Variants in HLTF observed in about 807,000 individuals in gnomAD.
HLTF encodes DNA-dependent ATPase/E3 ubiquitin-protein ligase HLTF.
HLTF carries 127 observed loss-of-function variants against 129.4 expected under a neutral mutation model. That is an observed-to-expected ratio of 0.98 (90% CI 0.85 to 1.14). HLTF has a LOEUF of 1.14. Ranked by LOEUF, HLTF falls within the 50% of genes most tolerant of loss-of-function variation. HLTF has a pLI of 0.00. For synonymous variants in HLTF, 332 were observed against 388.8 expected, an observed-to-expected ratio of 0.85 and a Z score of 1.72; for missense variants, 1,139 against 1,187.1, an observed-to-expected ratio of 0.96 and a Z score of 0.60.
intron 24 of HLTF, among the ~76,000 whole-genome samples, chr3:149,033,376 T>G (rs1715298542): frequency 6.6e-6 from 1 of 152,072 alleles, no homozygotes; most frequent in South Asian, 2.1e-4. Context: ...TCAATAAATC[T>G]CAAGATATCT....
At chr3:149,036,297 G>GTTTTTTTTTTGTT (rs1553736650) in intron 23 of HLTF, among the ~76,000 whole-genome samples, 1 of 107,986 alleles carries the variant, frequency 9.3e-6, no homozygotes, top group Non-Finnish European at 1.8e-5. Flanking sequence ...AAACTATGAG[G>GTTTTTTTTTTGTT]TTTTTTTTTT....
At chr3:149,071,221 G>A (rs1206008126) in intron 7 of HLTF, 31 bp downstream of exon 7, 2 of 1,337,532 alleles carry the variant, frequency 1.5e-6, no homozygotes, top group Admixed American at 2.3e-5. Flanking sequence ...CACAAAATTA[G>A]ATTTTATTAA....
chr3:149,060,757 A>G (rs1310908915), intron 11 of HLTF, 22 bp downstream of exon 11: 11 of 1,607,424 alleles, frequency 6.8e-6, no homozygotes, highest in East Asian at 2.2e-5. Flanking sequence ...CACATTATCA[A>G]ATCAAATCTA....
intron 24 of HLTF, among the ~76,000 whole-genome samples, chr3:149,033,695 C>T (rs1302202823): frequency 6.6e-6 from 1 of 151,816 alleles, no homozygotes; most frequent in Non-Finnish European, 1.5e-5. Flanking sequence ...CAGAACAAAT[C>T]GTTCTTCATC....
rs371728757 is a variant in HLTF, at chr3:149,056,269, G to T, written c.1376-869C>A. ...TAGGATAATTTGTTACACAGTAATA[G>T]GTAACTAATATATTACAACAAAAAT... On this transcript the variant is annotated intron_variant, in intron 13 of 24. Transcript: ENST00000310053. 3.0e-4 allele frequency among the ~76,000 whole-genome samples: 45 copies of T among 152,230 alleles called. No homozygotes were observed. The East Asian group carries it at 8.3e-3, about 28-fold the overall frequency.
chr3:149,055,801 C>G (rs888849926), intron 13 of HLTF, among the ~76,000 whole-genome samples: 3 of 152,200 alleles, frequency 2.0e-5, no homozygotes, highest in Non-Finnish European at 2.9e-5. Flanking sequence ...TCCCATACTC[C>G]ACCAGGACTG....
At chr3:149,069,712 A>G (rs185037276) in intron 7 of HLTF, among the ~76,000 whole-genome samples, 1 of 152,314 alleles carries the variant, frequency 6.6e-6, no homozygotes, top group Non-Finnish European at 1.5e-5. Flanking sequence ...CTTGAATGAC[A>G]ACTATCAATC....
chr3:149,041,008 A>G (rs1716088608), intron 20 of HLTF, among the ~76,000 whole-genome samples: 1 of 152,182 alleles, frequency 6.6e-6, no homozygotes, highest in South Asian at 2.1e-4. Context: ...CACAATAGCC[A>G]ATAATCACAT....
intron 10 of HLTF, among the ~76,000 whole-genome samples, 180 bp downstream of exon 10, chr3:149,063,251 G>A (rs372334720): frequency 1.2e-4 from 18 of 152,150 alleles, no homozygotes; most frequent in African/African-American, 2.6e-4. Context: ...TAGTAGAGAC[G>A]GGGTTTCACT....
rs941274217 is a variant in HLTF at position 149,030,380 on chromosome 3, A to G, written c.*1840T>C. The G allele has an allele frequency of 1.3e-5, 2 of 152,192 alleles. No homozygotes were observed. Among genetic ancestry groups the G allele is most frequent in the Non-Finnish European group, 2.9e-5 (2 of 68,020 alleles). The allele number at this position is 152,192 out of a possible 1,614,324, so 9.4% of individuals were successfully genotyped here. A position where few individuals can be genotyped will look rare whatever the true frequency, so the allele number is the denominator to read the frequency against. On this transcript the variant is annotated 3_prime_UTR_variant, in exon 25 of 25. Transcript: ENST00000310053. ...ATATAACAACATCTAACAGAACTGT[A>G]CAAAACAAAGAGACATTTTTTAAAC...
chr3:149,064,654 T>A, intron 9 of HLTF, 137 bp downstream of exon 9: 1 of 565,220 alleles, frequency 1.8e-6, no homozygotes, highest in East Asian at 3.0e-5. Flanking sequence ...AAAAAAGAGA[T>A]CCTAAATTTT....
chr3:149,082,262 T>C lies in HLTF; in HGVS notation c.228+2420A>G, dbSNP rs1379656703. ...TCACGAGGTCAGGAGATACAGACCA[T>C]CCTGGCTAACACGGTGAAACCCCGT... On this transcript the variant is annotated intron_variant, in intron 2 of 24. Transcript: ENST00000310053. Among the ~76,000 whole-genome samples the C allele has an allele frequency of 3.9e-5, 6 of 152,122 alleles. No homozygotes were observed. In the South Asian group the frequency reaches 1.0e-3, roughly 26 times the overall value.
At position 149,045,116 on chromosome 3, in the gene HLTF, C is replaced by A. The variant is rs532144366; in HGVS notation, c.2072+964G>T. On this transcript the variant is annotated intron_variant, in intron 18 of 24. Transcript: ENST00000310053. Reference sequence around the variant, plus strand: ...TTCCAATAAATCTCTGATATCATGACTATTTTCTCTCGTTCATACTATCCA... The same window carrying A: ...TTCCAATAAATCTCTGATATCATGAATATTTTCTCTCGTTCATACTATCCA... Among the ~76,000 whole-genome samples, 9 of 152,236 alleles carry A rather than the reference C, an allele frequency of 5.9e-5. 1 individual carries two copies. The highest frequency in any genetic ancestry group is 2.2e-4 in the African/African-American group (9 of 41,552).
At chr3:149,037,411 T>G (rs1715736654) in intron 23 of HLTF, among the ~76,000 whole-genome samples, 1 of 144,552 alleles carries the variant, frequency 6.9e-6, no homozygotes, top group Admixed American at 7.3e-5. Flanking sequence ...GAGGTTGCAG[T>G]GAGCCAAGAT....
At chr3:149,034,831 C>CA in intron 24 of HLTF, 87 bp downstream of exon 24, 1 of 859,732 alleles carries the variant, frequency 1.2e-6, no homozygotes, top group Non-Finnish European at 1.9e-6. Context: ...TAATTACACT[C>CA]AATCATAATA....
rs146181227 is a variant in HLTF at position 149,032,317 on chromosome 3, C to G, written c.2933G>C (p.Arg978Thr). Residue 978 changes from arginine (R) to threonine (T), a missense_variant, in exon 25 of 25, where the codon AGA (arginine) becomes ACA (threonine). Physicochemically the swap from Arg to Thr is moderately conservative, Grantham distance 71. Transcript: ENST00000310053. ...ENMLKIQNKK[R>T]ELAAGAFGTK... is the part of the protein sequence containing the mutation. ...TCCAAAGGCTCCTGCTGCAAGTTCT[C>G]TCTTTTTGTTTTGTATTTTCAGCAT... 6.3e-7 allele frequency: 1 copy of G among 1,596,666 alleles called. No homozygotes were observed. The highest frequency in any genetic ancestry group is 8.5e-7 in the Non-Finnish European group (1 of 1,171,764).
intron 1 of HLTF, 117 bp downstream of exon 1, chr3:149,086,200 C>A: frequency 1.8e-6 from 2 of 1,105,400 alleles, no homozygotes; most frequent in Non-Finnish European, 2.7e-6. Context: ...ACCAACAGAA[C>A]GAATACAGCT....
intron 2 of HLTF, among the ~76,000 whole-genome samples, chr3:149,078,674 A>C (rs1719604478): frequency 1.3e-5 from 2 of 152,048 alleles, no homozygotes; most frequent in South Asian, 4.2e-4. Flanking sequence ...TGGCTAACAC[A>C]GTGAAACCCC....
chr3:149,060,851 T>C lies in HLTF; in HGVS notation c.1168A>G (p.Thr390Ala), dbSNP rs1559870881. Residue 390 changes from threonine to alanine, a missense_variant, in exon 11 of 25, where the codon ACT (threonine) becomes GCT (alanine). Physicochemically the swap from Thr to Ala is moderately conservative, Grantham distance 58. Transcript: ENST00000310053. Reference sequence around the variant, plus strand: ...CTGCTTTCTATGTACTGGACAGCAGTTTTTCTTCTAAAATTAAGTATACAC... The same window carrying C: ...CTGCTTTCTATGTACTGGACAGCAGCTTTTCTTCTAAAATTAAGTATACAC... ...LSSSRPKRRK[T>A]AVQYIESSDS... The C allele has an allele frequency of 6.2e-7, 1 of 1,609,418 alleles. No homozygotes were observed. Among genetic ancestry groups the C allele is most frequent in the Non-Finnish European group, 8.5e-7 (1 of 1,177,436 alleles).
Sources: allele counts gnomAD v4.1 joint callset (sites outside exome capture counted in the v4.1 genomes callset), GRCh38; gene constraint gnomAD v4.1.1; transcripts MANE v1.5; gene names NCBI Gene and HGNC (gene_info 2026-07-23, HGNC 2026-07-21).